Variants in NTM observed in about 807,000 individuals in gnomAD.
NTM encodes the protein neurotrimin.
NTM carries 13 observed loss-of-function variants against 42.1 expected under a neutral mutation model. The ratio of observed to expected loss-of-function variants is 0.31; its 90% CI spans 0.20 to 0.49. The LOEUF (loss-of-function observed/expected upper bound fraction) is 0.49, where lower values mean the gene tolerates loss of function less well. NTM is among the 20% of genes least tolerant of loss of function. NTM has a pLI of 0.99. For synonymous variants in NTM, 187 were observed against 179.2 expected (o/e 1.04, Z -0.35); for missense variants, 373 against 452.8 (o/e 0.82, Z 1.60).
At chr11:131,763,517 T>A (rs572181554) in intron 1 of NTM, among the ~76,000 whole-genome samples, 2 of 152,188 alleles carry the variant, frequency 1.3e-5, no homozygotes, top group East Asian at 3.9e-4. Context: ...AGCTGTTCAG[T>A]TTAGGGGATT....
At chr11:131,387,306 C>A (rs939511034) in intron 1 of NTM, among the ~76,000 whole-genome samples, 1 of 152,158 alleles carries the variant, frequency 6.6e-6, no homozygotes, top group Non-Finnish European at 1.5e-5. Flanking sequence ...CTCTCTCTCT[C>A]TCTCTCTCTC....
intron 3 of NTM, among the ~76,000 whole-genome samples, chr11:132,187,841 G>A (rs2078671420): frequency 6.6e-6 from 1 of 152,174 alleles, no homozygotes; most frequent in Admixed American, 6.5e-5. Context: ...GTAAATCTCT[G>A]CTTTGAAAGT....
intron 1 of NTM, among the ~76,000 whole-genome samples, chr11:131,597,110 T>G (rs776351857): frequency 7.2e-5 from 11 of 152,142 alleles, no homozygotes; most frequent in Non-Finnish European, 1.0e-4. Context: ...CTGACTCAAA[T>G]GTTAATCTCC....
chr11:131,762,798 G>A (rs2084429843), intron 1 of NTM, among the ~76,000 whole-genome samples: 1 of 152,046 alleles, frequency 6.6e-6, no homozygotes, highest in Admixed American at 6.5e-5. Context: ...CAGGCCTGAT[G>A]GAGAACTGAG....
At chr11:131,499,733 G>A (rs1000283250) in intron 1 of NTM, among the ~76,000 whole-genome samples, 3 of 152,016 alleles carry the variant, frequency 2.0e-5, no homozygotes, top group Non-Finnish European at 2.9e-5. Context: ...TTATTAATAC[G>A]CTAAGTTTCT....
chr11:132,084,783 T>G (rs2059500716), intron 2 of NTM, among the ~76,000 whole-genome samples: 1 of 152,210 alleles, frequency 6.6e-6, no homozygotes, highest in Admixed American at 6.5e-5. Context: ...ACAAAAATAT[T>G]TCATTATCTT....
chr11:131,554,286 G>A (rs1247150924), intron 1 of NTM, among the ~76,000 whole-genome samples: 1 of 152,180 alleles, frequency 6.6e-6, no homozygotes, highest in African/African-American at 2.4e-5. Context: ...TATTGAACAA[G>A]CTGAATGAAG....
rs888601911 is a variant in NTM at position 131,888,358 on chromosome 11, G to A, written c.83-23206G>A. Reference sequence around the variant, plus strand: ...GATACCACCCGGCCTGTTTTGGAGAGGGCATTTCACACTGCGGAGAAATGC... The same window carrying A: ...GATACCACCCGGCCTGTTTTGGAGAAGGCATTTCACACTGCGGAGAAATGC... On this transcript the variant is annotated intron_variant, in intron 1 of 8. Transcript: ENST00000683400. Among the ~76,000 whole-genome samples the A allele has an allele frequency of 1.3e-5, 2 of 152,076 alleles. 1 individual carries two copies. Among genetic ancestry groups the A allele is most frequent in the Admixed American group, 1.3e-4 (2 of 15,264 alleles).
intron 4 of NTM, among the ~76,000 whole-genome samples, chr11:132,301,901 T>C (rs1024818015): frequency 1.3e-5 from 2 of 152,200 alleles, no homozygotes; most frequent in African/African-American, 4.8e-5. Context: ...TCCTCTCCTC[T>C]CCAGTAGCTA....
chr11:131,785,061 T>C (rs2088895752), intron 1 of NTM, among the ~76,000 whole-genome samples: 1 of 152,182 alleles, frequency 6.6e-6, no homozygotes, highest in Non-Finnish European at 1.5e-5. Context: ...GGTACACATA[T>C]TGGTAGGTTT....
At chr11:131,475,855 T>C (rs762189487) in intron 1 of NTM, among the ~76,000 whole-genome samples, 3 of 152,034 alleles carry the variant, frequency 2.0e-5, no homozygotes, top group Non-Finnish European at 4.4e-5. Flanking sequence ...ATGATGTTAC[T>C]GTGAAAAGAT....
At chr11:132,041,912 G>A (rs374557767) in intron 2 of NTM, among the ~76,000 whole-genome samples, 10 of 152,286 alleles carry the variant, frequency 6.6e-5, no homozygotes, top group African/African-American at 2.2e-4. Context: ...TAAGTGTCAT[G>A]TATTAGTATA....
intron 2 of NTM, among the ~76,000 whole-genome samples, chr11:132,085,740 G>T (rs774830827): frequency 2.0e-5 from 3 of 152,022 alleles, no homozygotes; most frequent in African/African-American, 7.2e-5. Context: ...AGAAGATTCA[G>T]TTGTTACAAG....
intron 1 of NTM, among the ~76,000 whole-genome samples, chr11:131,447,794 T>C (rs1438925922): frequency 2.0e-5 from 3 of 152,162 alleles, no homozygotes; most frequent in Admixed American, 1.3e-4. Flanking sequence ...TGTTTCATTA[T>C]GAGATTTTGC....
At chr11:132,090,296 C>T (rs2060231889) in intron 2 of NTM, among the ~76,000 whole-genome samples, 1 of 152,182 alleles carries the variant, frequency 6.6e-6, no homozygotes. Flanking sequence ...CTTGGCCCTT[C>T]ACACCTTCCC....
intron 2 of NTM, among the ~76,000 whole-genome samples, chr11:131,973,479 AG>A (rs1332788603): frequency 6.6e-6 from 1 of 152,186 alleles, no homozygotes; most frequent in Non-Finnish European, 1.5e-5. Flanking sequence ...TGAATCCCTA[AG>A]GGCAGGAGGG....
chr11:131,663,075 A>T (rs1361582678), intron 1 of NTM: 2 of 152,164 alleles, frequency 1.3e-5, no homozygotes, highest in African/African-American at 4.8e-5. Flanking sequence ...ATAAGAGGAC[A>T]AAGGTGTAGT....
rs1178207835 is a variant in NTM, at chr11:131,786,234, A to G, written c.83-125330A>G. ...TTGGAGCTGACCACCTTATCCATCA[A>G]AGGAACTTCAGCATTCATTCTGTGG... On this transcript the variant is annotated intron_variant, in intron 1 of 8. Coordinates refer to ENST00000683400, the MANE Select transcript of NTM (RefSeq NM_001352005.2). Among the ~76,000 whole-genome samples, 3 of 152,222 alleles carry G rather than the reference A, an allele frequency of 2.0e-5. No homozygotes were observed. The South Asian group carries it at 6.2e-4, about 32-fold the overall frequency.
At chr11:131,495,471 C>T (rs373412094) in intron 1 of NTM, among the ~76,000 whole-genome samples, 32 of 152,360 alleles carry the variant, frequency 2.1e-4, no homozygotes, top group African/African-American at 7.0e-4. Context: ...GTGGGGCTTG[C>T]TTTTGCCTCT....
Sources: allele counts gnomAD v4.1 joint callset (sites outside exome capture counted in the v4.1 genomes callset), GRCh38; gene constraint gnomAD v4.1.1; transcripts MANE v1.5; gene names NCBI Gene and HGNC (gene_info 2026-07-23, HGNC 2026-07-21).